The following DYNC1I2 variants were observed in gnomAD, a reference collection of about 807,000 sequenced individuals.
DYNC1I2 encodes the protein cytoplasmic dynein 1 intermediate chain 2.
Under a neutral mutation model 88.6 loss-of-function variants are expected in DYNC1I2, and 53 were observed. That is an observed-to-expected ratio of 0.60 (90% CI 0.48 to 0.75). The LOEUF (loss-of-function observed/expected upper bound fraction) is 0.75, where lower values mean the gene tolerates loss of function less well. Among genes scored for constraint, DYNC1I2 ranks in the 30% least tolerant of loss-of-function variants. The pLI is 0.00. For missense variants in DYNC1I2, 458 were observed against 766.6 expected (o/e 0.60, Z 4.75); for synonymous variants, 198 against 254.6 (o/e 0.78, Z 2.12).
At chr2:171,711,020 C>T (rs1301770297) in intron 5 of DYNC1I2, among the ~76,000 whole-genome samples, 1 of 137,336 alleles carries the variant, frequency 7.3e-6, no homozygotes, top group Non-Finnish European at 1.6e-5. Flanking sequence ...CCTCCCCCCT[C>T]CCCTCACCCC....
chr2:171,703,102 T>C (rs1295676453), intron 3 of DYNC1I2, among the ~76,000 whole-genome samples: 1 of 152,218 alleles, frequency 6.6e-6, no homozygotes. Flanking sequence ...ATATATTACT[T>C]ACATTTTTAC....
chr2:171,740,386 A>G (rs890105877), intron 15 of DYNC1I2, among the ~76,000 whole-genome samples: 1 of 152,188 alleles, frequency 6.6e-6, no homozygotes, highest in Non-Finnish European at 1.5e-5. Flanking sequence ...TTGATTGTTT[A>G]TAAAATCCAT....
chr2:171,706,353 A>G (rs1686675781), intron 3 of DYNC1I2, among the ~76,000 whole-genome samples, 194 bp from the exon 4 acceptor site: 1 of 152,202 alleles, frequency 6.6e-6, no homozygotes, highest in South Asian at 2.1e-4. Flanking sequence ...ACTCCCTGCA[A>G]CGGTAATCAA....
At chr2:171,695,643 A>G (rs1252608866) in intron 3 of DYNC1I2, among the ~76,000 whole-genome samples, 1 of 152,144 alleles carries the variant, frequency 6.6e-6, no homozygotes. Flanking sequence ...TCTTTGCTTT[A>G]CTATCATAAG....
chr2:171,741,171 T>C (rs1280021058), intron 15 of DYNC1I2, among the ~76,000 whole-genome samples: 1 of 152,212 alleles, frequency 6.6e-6, no homozygotes, highest in Non-Finnish European at 1.5e-5. Context: ...TGATACCCCA[T>C]TGTATAGATA....
chr2:171,693,547 TA>T (rs1685543317), intron 3 of DYNC1I2, among the ~76,000 whole-genome samples: 1 of 152,222 alleles, frequency 6.6e-6, no homozygotes, highest in Non-Finnish European at 1.5e-5. Context: ...TATTATGTAG[TA>T]TTTTAGTTTA....
At chr2:171,745,008 G>A (rs1483860908) in intron 16 of DYNC1I2, among the ~76,000 whole-genome samples, 1 of 152,098 alleles carries the variant, frequency 6.6e-6, no homozygotes, top group Non-Finnish European at 1.5e-5. Context: ...ATTAAATGTG[G>A]ATTGAAATTT....
intron 3 of DYNC1I2, among the ~76,000 whole-genome samples, chr2:171,699,222 G>A (rs903778220): frequency 3.3e-5 from 5 of 152,002 alleles, no homozygotes; most frequent in African/African-American, 9.7e-5. Context: ...CAGGAGAATC[G>A]CTTGAACTCG....
chr2:171,726,262 G>A lies in DYNC1I2; in HGVS notation c.839G>A (p.Arg280Gln), dbSNP rs925287988. 1 of 1,611,736 alleles carries A rather than the reference G, an allele frequency of 6.2e-7. No homozygotes were observed. Among genetic ancestry groups the A allele is most frequent in the African/African-American group, 1.3e-5 (1 of 74,916 alleles). The stretch of plus-strand genomic sequence containing the variant: ...TTTGACGAACGTTGGTCAAAGCATC[G>A]GGTGGTTAGTTGTTTGGATTGGTCA... ...QFFDERWSKH[R>Q]VVSCLDWSSQ... The change falls in exon 10 of 18, where the codon CGG becomes CAG. Residue 280 changes from arginine to glutamine, a missense_variant. By Grantham distance (43) the Arg-to-Gln change is conservative. This residue lies in a region of DYNC1I2 where 203 missense variants were observed against 354.2 expected (regional missense o/e 0.57). Transcript: ENST00000397119.
chr2:171,730,058 C>G (rs1373008623), intron 15 of DYNC1I2, among the ~76,000 whole-genome samples: 1 of 152,202 alleles, frequency 6.6e-6, no homozygotes. Flanking sequence ...TAACCCTACG[C>G]AGAATCAAGG....
chr2:171,734,369 T>C (rs1688859498), intron 15 of DYNC1I2, among the ~76,000 whole-genome samples: 2 of 152,194 alleles, frequency 1.3e-5, no homozygotes, highest in African/African-American at 4.8e-5. Context: ...ACACAGCTAG[T>C]TGAGGGGCGG....
chr2:171,734,540 C>T (rs1477059992), intron 15 of DYNC1I2, among the ~76,000 whole-genome samples: 1 of 152,180 alleles, frequency 6.6e-6, no homozygotes, highest in Non-Finnish European at 1.5e-5. Context: ...AATTGGGATA[C>T]ATGCCTCTCA....
chr2:171,719,556 A>G (rs1201921965), intron 7 of DYNC1I2, among the ~76,000 whole-genome samples: 2 of 152,216 alleles, frequency 1.3e-5, no homozygotes, highest in Non-Finnish European at 2.9e-5. Context: ...GTTGGAGTGT[A>G]ACAGACAGCA....
At chr2:171,703,555 C>CT (rs559606437) in intron 3 of DYNC1I2, among the ~76,000 whole-genome samples, 6 of 151,992 alleles carry the variant, frequency 3.9e-5, no homozygotes, top group Non-Finnish European at 7.4e-5. Context: ...TTATTAATTT[C>CT]TTTTTTTTAA....
chr2:171,697,114 C>T (rs1685828749), intron 3 of DYNC1I2, among the ~76,000 whole-genome samples: 1 of 152,118 alleles, frequency 6.6e-6, no homozygotes, highest in African/African-American at 2.4e-5. Flanking sequence ...GATCCTCTCA[C>T]CTCAGCCTCC....
At chr2:171,746,293 C>T (rs1689775482) in intron 17 of DYNC1I2, among the ~76,000 whole-genome samples, 1 of 151,992 alleles carries the variant, frequency 6.6e-6, no homozygotes, top group South Asian at 2.1e-4. Context: ...TTAATTTGGG[C>T]CAGGTAGTAG....
At chr2:171,723,894 A>G (rs1435828714) in intron 7 of DYNC1I2, among the ~76,000 whole-genome samples, 2 of 152,090 alleles carry the variant, frequency 1.3e-5, no homozygotes, top group Non-Finnish European at 2.9e-5. Context: ...TTCCATTCTG[A>G]ATGTTTGGCA....
At chr2:171,747,266 A>C (rs1689861438) in intron 17 of DYNC1I2, among the ~76,000 whole-genome samples, 1 of 149,088 alleles carries the variant, frequency 6.7e-6, no homozygotes, top group African/African-American at 2.5e-5. Context: ...AAGCATCACA[A>C]GGCTCTTTTG....
chr2:171,745,782 T>A lies in DYNC1I2; in HGVS notation c.1678-20T>A. The A allele has an allele frequency of 6.2e-7, 1 of 1,611,016 alleles. No individual in the cohort carries two copies. The highest frequency in any genetic ancestry group is 8.5e-7 in the Non-Finnish European group (1 of 1,178,184). Reference sequence around the variant, plus strand: ...CTTGATGAAACTTTTAACACTGTCCTTTATTTTAAATGACTTTAGGTACCA... The same window carrying A: ...CTTGATGAAACTTTTAACACTGTCCATTATTTTAAATGACTTTAGGTACCA... On this transcript the variant is annotated intron_variant, in intron 16 of 17. Transcript: ENST00000397119.
Sources: gnomAD v4.1 joint callset for allele counts (sites outside exome capture counted in the v4.1 genomes callset) on GRCh38, gnomAD v4.1.1 for gene constraint, gnomAD v4.1.1 regional missense constraint, MANE v1.5 for transcripts, NCBI Gene and HGNC (gene_info 2026-07-23, HGNC 2026-07-21) for gene names.